REV1: variants seen among roughly 807,000 people sequenced by gnomAD.
REV1 encodes translesion synthesis protein REV1.
REV1 carries 42 observed loss-of-function variants against 137.4 expected under a neutral mutation model. The ratio of observed to expected loss-of-function variants is 0.31; its 90% CI spans 0.24 to 0.40. REV1 has a LOEUF of 0.40. REV1 is among the 10% of genes least tolerant of loss of function. REV1 has a pLI of 1.00. For synonymous variants in REV1, 524 were observed against 519.2 expected (o/e 1.01, Z -0.12); for missense variants, 1,282 against 1,490.1 (o/e 0.86, Z 2.30).
chr2:99,445,837 CAT>C (rs1182624147), intron 4 of REV1, among the ~76,000 whole-genome samples: 8 of 152,186 alleles, frequency 5.3e-5, no homozygotes, highest in Admixed American at 4.6e-4. Flanking sequence ...GATCTACTGA[CAT>C]ACAGACATCA....
At chr2:99,458,770 G>C (rs772219558) in intron 3 of REV1, among the ~76,000 whole-genome samples, 2 of 152,100 alleles carry the variant, frequency 1.3e-5, no homozygotes, top group African/African-American at 4.8e-5. Flanking sequence ...AGCCCCAAAA[G>C]GTTATATGCT....
intron 4 of REV1, among the ~76,000 whole-genome samples, chr2:99,445,148 A>C (rs1682037970): frequency 6.6e-6 from 1 of 151,868 alleles, no homozygotes; most frequent in Non-Finnish European, 1.5e-5. Flanking sequence ...AAAAAACACA[A>C]GGAATGGCAA....
In REV1 at chr2:99,402,690, G is replaced by T. The variant is rs1574959218; in HGVS notation, c.3495C>A (p.Phe1165Leu). ...PAPNLAGAVE[F>L]NDVKTLLREW... is the part of the protein sequence containing the mutation. ...CTCTGAGCAAGGTCTTCACATCATTGAATTCAACAGCTCCAGCTAGATTGG... is the reference window on the plus strand; with the variant it reads ...CTCTGAGCAAGGTCTTCACATCATTTAATTCAACAGCTCCAGCTAGATTGG... The change falls in exon 21 of 23, where the codon TTC becomes TTA. Residue 1165 changes from phenylalanine (F) to leucine (L), a missense_variant. Physicochemically the swap from Phe to Leu is conservative, Grantham distance 22. Transcript: ENST00000258428. 1 of 1,614,142 alleles carries T rather than the reference G, an allele frequency of 6.2e-7. No homozygotes were observed. The highest frequency in any genetic ancestry group is 1.1e-5 in the South Asian group (1 of 91,074).
intron 3 of REV1, among the ~76,000 whole-genome samples, chr2:99,460,119 C>G (rs777791356): frequency 2.0e-5 from 3 of 152,198 alleles, no homozygotes; most frequent in Non-Finnish European, 4.4e-5. Flanking sequence ...ACTCTATCGC[C>G]AGGCTGGAGT....
chr2:99,417,381 T>C (rs1678046646), intron 12 of REV1, among the ~76,000 whole-genome samples: 1 of 152,180 alleles, frequency 6.6e-6, no homozygotes, highest in South Asian at 2.1e-4. Flanking sequence ...TGGCCTCAAA[T>C]GATCCATCTG....
chr2:99,401,898 C>CA (rs1331416553), intron 22 of REV1, among the ~76,000 whole-genome samples: 1 of 151,946 alleles, frequency 6.6e-6, no homozygotes, highest in Non-Finnish European at 1.5e-5. Context: ...CACCACCACC[C>CA]CCCCAGATTA....
intron 11 of REV1, 128 bp from the exon 12 acceptor site, chr2:99,419,075 A>G (rs1678283279): frequency 1.2e-6 from 1 of 804,618 alleles, no homozygotes; most frequent in Admixed American, 2.8e-5. Context: ...ATTATTTCAA[A>G]TAAGGTGTAG....
Position 99,442,369 on chromosome 2 carries a change from C to G in REV1, c.451G>C (p.Glu151Gln), listed in dbSNP as rs1257425577. Reference protein sequence around the residue: ...GLSFNPVCRPEDPLPGPSNIA... With the variant: ...GLSFNPVCRPQDPLPGPSNIA... ...TTGCTTGGACCTGGCAGAGGATCCT[C>G]AGGTCTGCATACAGGATTAAAGCTG... Residue 151 changes from glutamate to glutamine, a missense_variant, in exon 5 of 23, where the codon GAG (glutamate) becomes CAG (glutamine). Transcript: ENST00000258428. 1 of 1,612,810 alleles carries G rather than the reference C, an allele frequency of 6.2e-7. No individual in the cohort carries two copies. The highest frequency in any genetic ancestry group is 8.5e-7 in the Non-Finnish European group (1 of 1,179,412).
At chr2:99,425,676 T>G (rs10182492) in intron 9 of REV1, among the ~76,000 whole-genome samples, 26,847 of 152,202 alleles carry the variant, frequency 0.18, 2,873 homozygotes, top group African/African-American at 0.28. Flanking sequence ...GTAATAATTA[T>G]GCCAGATATA....
chr2:99,440,403 G>A (rs146719167), intron 5 of REV1, among the ~76,000 whole-genome samples: 1 of 152,328 alleles, frequency 6.6e-6, no homozygotes, highest in East Asian at 1.9e-4. Flanking sequence ...TCCACCTAAA[G>A]CCCCTCACCC....
Position 99,438,925 on chromosome 2 carries a change from A to C in REV1, c.889T>G (p.Ser297Ala), listed in dbSNP as rs778830109. 1 of 1,614,164 alleles carries C rather than the reference A, an allele frequency of 6.2e-7. No individual in the cohort carries two copies. Among genetic ancestry groups the C allele is most frequent in the Non-Finnish European group, 8.5e-7 (1 of 1,180,012 alleles). Residue 297 changes from serine to alanine, a missense_variant, in exon 6 of 23, where the codon TCT becomes GCT. Around this residue, in one of 7 missense-constraint regions of REV1, gnomAD observed 432 missense variants for 438.0 expected, o/e 0.99. Transcript: ENST00000258428. Reference protein sequence around the residue: ...DALRNPHRTNSFSLSPLHSNT... With the variant: ...DALRNPHRTNAFSLSPLHSNT... ...CTGTGCAAAGGTGATAATGAGAAAG[A>C]ATTAGTTCTGTGTGGATTCCGCAAA...
intron 3 of REV1, among the ~76,000 whole-genome samples, chr2:99,451,021 T>C (rs1338992439): frequency 2.0e-5 from 3 of 152,190 alleles, no homozygotes; most frequent in Admixed American, 1.3e-4. Context: ...ATCAGAGTGA[T>C]TTAATGTGAA....
intron 17 of REV1, 25 bp from the exon 18 acceptor site, chr2:99,404,702 A>G: frequency 1.3e-6 from 2 of 1,519,108 alleles, no homozygotes; most frequent in Non-Finnish European, 1.8e-6. Flanking sequence ...ACATATGAGT[A>G]GGAAGTTAAA....
chr2:99,468,911 A>G (rs1322451738), intron 1 of REV1, among the ~76,000 whole-genome samples: 1 of 152,218 alleles, frequency 6.6e-6, no homozygotes, highest in Non-Finnish European at 1.5e-5. Flanking sequence ...ACTATAACAC[A>G]GAGAACATCA....
Position 99,406,347 on chromosome 2 carries a change from G to C in REV1, c.2592C>G (p.Ser864=), listed in dbSNP as rs960554916. ...AACCTTCTTTGTGCTCCTCTTCGGT[G>C]GATTTCTTAGCTTTCTGAACTTGGA... ...DVFQVQKAKK[S]TEEEHKEVFR... is the part of the protein sequence containing the mutation. The change falls in exon 16 of 23, where the codon TCC becomes TCG. Residue 864 remains serine, a synonymous_variant. Transcript: ENST00000258428. The C allele has an allele frequency of 1.9e-6, 3 of 1,612,038 alleles. No homozygotes were observed. The African/African-American group carries it at 4.0e-5, about 22-fold the overall frequency.
At chr2:99,402,162 G>C (rs1053314510) in intron 22 of REV1, 82 bp downstream of exon 22, 5 of 637,448 alleles carry the variant, frequency 7.8e-6, no homozygotes. Flanking sequence ...CAGTTTCCCA[G>C]AAAGTTTAAA....
chr2:99,467,945 C>A (rs1455428751), intron 1 of REV1, among the ~76,000 whole-genome samples: 1 of 152,104 alleles, frequency 6.6e-6, no homozygotes, highest in African/African-American at 2.4e-5. Flanking sequence ...CTTTGGGAGG[C>A]CGAGGTGGAC....
intron 11 of REV1, among the ~76,000 whole-genome samples, chr2:99,419,954 G>C (rs1378092086): frequency 6.6e-6 from 1 of 152,228 alleles, no homozygotes; most frequent in African/African-American, 2.4e-5. Flanking sequence ...TAAAAGTAGT[G>C]AGTTCAGGGG....
At chr2:99,405,372 G>GT (rs771715757) in intron 17 of REV1, 2 of 152,734 alleles carry the variant, frequency 1.3e-5, no homozygotes, top group Non-Finnish European at 2.9e-5. Flanking sequence ...TTTGCAGCCA[G>GT]TATTTAACAT....
Sources: allele counts gnomAD v4.1 joint callset (sites outside exome capture counted in the v4.1 genomes callset), GRCh38; gene constraint gnomAD v4.1.1; regional missense constraint gnomAD v4.1.1; transcripts MANE v1.5; gene names NCBI Gene and HGNC (gene_info 2026-07-23, HGNC 2026-07-21).